The following BBOF1 variants were observed in gnomAD, a reference collection of about 807,000 sequenced individuals.
BBOF1 encodes basal body-orientation factor 1.
A neutral mutation model predicts 68.0 loss-of-function variants in BBOF1; 62 were observed. The ratio of observed to expected loss-of-function variants is 0.91; its 90% CI spans 0.74 to 1.13. The LOEUF (loss-of-function observed/expected upper bound fraction) is 1.13, where lower values mean the gene tolerates loss of function less well. Among genes scored for constraint, BBOF1 ranks in the 50% most tolerant of loss-of-function variants. BBOF1 has a pLI of 0.00. For synonymous variants in BBOF1, 208 were observed against 198.8 expected (o/e 1.05, Z -0.39); for missense variants, 534 against 600.1 (o/e 0.89, Z 1.15).
rs780515040 is a variant in BBOF1, at chr14:74,032,118, A to ATTTTTTT, written c.352-1891_352-1885dup. Reference sequence around the variant, plus strand: ...CCAACAGAGTCTATTCTCAAAGTTGATTTTTTTTTTTTTTTTTTTTTTTTT... The same window carrying ATTTTTTT: ...CCAACAGAGTCTATTCTCAAAGTTGATTTTTTTTTTTTTTTTTTTTTTTTTTTTTTTT... On this transcript the variant is annotated intron_variant, in intron 3 of 11. Coordinates refer to ENST00000394009, the MANE Select transcript of BBOF1 (RefSeq NM_025057.3). 2.8e-4 allele frequency among the ~76,000 whole-genome samples: 28 copies of ATTTTTTT among 99,654 alleles called. 1 individual carries two copies. Among genetic ancestry groups the ATTTTTTT allele is most frequent in the East Asian group, 9.6e-4 (3 of 3,132 alleles). The allele number at this position is 99,654 out of a possible 152,430, so 65.4% of individuals were successfully genotyped here.
chr14:74,050,180 T>C lies in BBOF1; in HGVS notation c.1271T>C (p.Leu424Pro), dbSNP rs201087063. 8 of 1,543,118 alleles carry C rather than the reference T, an allele frequency of 5.2e-6. No individual in the cohort carries two copies. Among genetic ancestry groups the C allele is most frequent in the African/African-American group, 4.1e-5 (3 of 72,574 alleles). Residue 424 changes from leucine (L) to proline (P), a missense_variant, in exon 8 of 12, where the codon CTG becomes CCG. By Grantham distance (98) the Leu-to-Pro change is moderately conservative (BLOSUM62 -3). Coordinates refer to ENST00000394009, the MANE Select transcript of BBOF1 (RefSeq NM_025057.3). Reference sequence around the variant, plus strand: ...ACCAATAGTGTGAATCAGGATCTTCTGGAGGCCGAAAAATGGTACTAGCAA... The same window carrying C: ...ACCAATAGTGTGAATCAGGATCTTCCGGAGGCCGAAAAATGGTACTAGCAA... ...HSTNSVNQDL[L>P]EAEKWTHIEG... is the part of the protein sequence containing the mutation.
intron 3 of BBOF1, among the ~76,000 whole-genome samples, chr14:74,030,979 T>A (rs547191264): frequency 5.3e-4 from 80 of 151,338 alleles, no homozygotes; most frequent in Non-Finnish European, 9.7e-4. Flanking sequence ...TTTATATATA[T>A]AGGTTATATA....
intron 7 of BBOF1, 143 bp from the exon 8 acceptor site, chr14:74,049,559 G>A: frequency 1.4e-6 from 1 of 693,032 alleles, no homozygotes; most frequent in Non-Finnish European, 2.3e-6. Flanking sequence ...CTACTCAGGA[G>A]CCTGAGGTAG....
intron 2 of BBOF1, among the ~76,000 whole-genome samples, chr14:74,026,689 C>T (rs1234932768): frequency 6.6e-6 from 1 of 151,916 alleles, no homozygotes; most frequent in Non-Finnish European, 1.5e-5. Context: ...CTTTGGGAGG[C>T]CGAGGTGGGC....
intron 2 of BBOF1, among the ~76,000 whole-genome samples, chr14:74,024,084 T>C (rs2059370623): frequency 6.6e-6 from 1 of 152,202 alleles, no homozygotes; most frequent in African/African-American, 2.4e-5. Context: ...AATATTGTTA[T>C]TTCCATATTA....
chr14:74,059,058 T>G (rs1406596307), intron 11 of BBOF1: 1 of 150,416 alleles, frequency 6.6e-6, no homozygotes, highest in Admixed American at 1.1e-4. Flanking sequence ...CACTCTAGCC[T>G]GGGCAACAAG....
intron 4 of BBOF1, 45 bp downstream of exon 4, chr14:74,034,216 A>G: frequency 1.5e-6 from 2 of 1,339,764 alleles, no homozygotes; most frequent in South Asian, 1.6e-5. Context: ...AGAATTAACT[A>G]TTTAATGCCT....
chr14:74,047,305 G>A (rs556065901), intron 6 of BBOF1, among the ~76,000 whole-genome samples: 17 of 152,196 alleles, frequency 1.1e-4, no homozygotes, highest in East Asian at 1.9e-4. Context: ...CACCTCTGCC[G>A]TGTTGGAGTT....
rs147867083 is a variant in BBOF1 at position 74,065,924 on chromosome 14, TC to T, written c.*1226del. 1,248 of 159,826 alleles carry T rather than the reference TC, an allele frequency of 7.8e-3. 21 individuals carry two copies. The highest frequency in any genetic ancestry group is 0.029 in the African/African-American group (1,209 of 41,616). The allele number at this position is 159,826 out of a possible 1,614,324, so 9.9% of individuals were successfully genotyped here. On this transcript the variant is annotated 3_prime_UTR_variant, in exon 12 of 12. Transcript: ENST00000394009. ...TGATAAACGGATTTTTCTGTATGGTTCTGTGGCAAGAGATTTCATAATTTCT... is the reference window on the plus strand; with the variant it reads ...TGATAAACGGATTTTTCTGTATGGTTTGTGGCAAGAGATTTCATAATTTCT...
downstream of BBOF1, among the ~76,000 whole-genome samples, chr14:74,066,369 A>G (rs1460511030): frequency 3.9e-5 from 6 of 152,236 alleles, no homozygotes; most frequent in Non-Finnish European, 7.3e-5. Flanking sequence ...ATCAGTGTCC[A>G]TAAATAACAT....
At chr14:74,052,894 G>A (rs149538507) in intron 8 of BBOF1, among the ~76,000 whole-genome samples, 140 of 149,408 alleles carry the variant, frequency 9.4e-4, no homozygotes, top group African/African-American at 3.3e-3. Flanking sequence ...CATCTACTCG[G>A]GAGGCTGAGG....
At chr14:74,048,887 G>T (rs930924938) in intron 7 of BBOF1, among the ~76,000 whole-genome samples, 4 of 152,094 alleles carry the variant, frequency 2.6e-5, no homozygotes, top group Admixed American at 1.3e-4. Context: ...TATAGAGAGA[G>T]AGAGAAAGAC....
downstream of BBOF1, among the ~76,000 whole-genome samples, chr14:74,069,640 C>A (rs2060521560): frequency 6.6e-6 from 1 of 151,676 alleles, no homozygotes; most frequent in South Asian, 2.1e-4. Context: ...GTAATCCCAG[C>A]TACTTGGGAG....
At chr14:74,051,240 G>A (rs1274306121) in intron 8 of BBOF1, among the ~76,000 whole-genome samples, 2 of 150,994 alleles carry the variant, frequency 1.3e-5, no homozygotes, top group African/African-American at 4.9e-5. Context: ...GCAAAACACT[G>A]TCTCAAAAAA....
chr14:74,022,393 C>T (rs2059323628), intron 1 of BBOF1, among the ~76,000 whole-genome samples: 1 of 151,990 alleles, frequency 6.6e-6, no homozygotes, highest in Admixed American at 6.6e-5. Context: ...ACAAAAAGTA[C>T]AAAAATTAGC....
At chr14:74,052,166 T>G (rs1292861274) in intron 8 of BBOF1, among the ~76,000 whole-genome samples, 2 of 151,712 alleles carry the variant, frequency 1.3e-5, no homozygotes, top group Non-Finnish European at 2.9e-5. Flanking sequence ...TTTATATCCT[T>G]TTGTTTACGA....
At chr14:74,037,828 G>A (rs1470972734) in intron 4 of BBOF1, among the ~76,000 whole-genome samples, 3 of 151,938 alleles carry the variant, frequency 2.0e-5, no homozygotes, top group African/African-American at 7.2e-5. Flanking sequence ...TGTGGCACAT[G>A]CCTGTAATCC....
intron 1 of BBOF1, among the ~76,000 whole-genome samples, chr14:74,020,140 C>G (rs766058681): frequency 7.2e-5 from 11 of 152,160 alleles, no homozygotes; most frequent in Non-Finnish European, 1.0e-4. Context: ...ATAAACACTA[C>G]TATATTTTGG....
chr14:74,019,449 T>C lies in BBOF1; in HGVS notation c.-30T>C. ...GCCAGGGCGGCCGCGGCTGGGCAACTACGACAGCGGAGCCCCTGGGGAAGC... is the reference window on the plus strand; with the variant it reads ...GCCAGGGCGGCCGCGGCTGGGCAACCACGACAGCGGAGCCCCTGGGGAAGC... On this transcript the variant is annotated 5_prime_UTR_variant, in exon 1 of 12. Transcript: ENST00000394009. The C allele has an allele frequency of 6.3e-7, 1 of 1,592,870 alleles. No individual in the cohort carries two copies. Among genetic ancestry groups the C allele is most frequent in the Non-Finnish European group, 8.5e-7 (1 of 1,170,252 alleles).
Sources: gnomAD v4.1 joint callset for allele counts (sites outside exome capture counted in the v4.1 genomes callset) on GRCh38, gnomAD v4.1.1 for gene constraint, MANE v1.5 for transcripts, NCBI Gene and HGNC (gene_info 2026-07-23, HGNC 2026-07-21) for gene names.